The following STK32B variants were observed in gnomAD, a reference collection of about 807,000 sequenced individuals.
STK32B encodes serine/threonine-protein kinase 32B.
Under a neutral mutation model 52.6 loss-of-function variants are expected in STK32B, and 43 were observed. That is an observed-to-expected ratio of 0.82 (90% CI 0.64 to 1.05). The LOEUF (loss-of-function observed/expected upper bound fraction) is 1.05, where lower values mean the gene tolerates loss of function less well. Ranked by LOEUF, STK32B falls within the 50% of genes least tolerant of loss-of-function variation. The pLI is 0.00. For synonymous variants in STK32B, 238 were observed against 204.3 expected (o/e 1.17, Z -1.41); for missense variants, 621 against 534.6 (o/e 1.16, Z -1.59).
intron 4 of STK32B, among the ~76,000 whole-genome samples, chr4:5,366,762 A>G (rs1734904861): frequency 6.6e-6 from 1 of 152,174 alleles, no homozygotes; most frequent in Non-Finnish European, 1.5e-5. Context: ...AGATTCCTTG[A>G]CTACTGAGTT....
At chr4:5,303,667 T>C (rs1037275596) in intron 3 of STK32B, among the ~76,000 whole-genome samples, 1 of 152,182 alleles carries the variant, frequency 6.6e-6, no homozygotes, top group African/African-American at 2.4e-5. Flanking sequence ...TCTTTTGCTG[T>C]GCAGCAGCTT....
Position 5,456,748 on chromosome 4 carries a change from G to A in STK32B, c.667-59G>A, listed in dbSNP as rs41268639. ...CCTCATAATCATACAATCTTAAAAT[G>A]CGGACGGTGCCTTCCAATGGCTCTC... On this transcript the variant is annotated intron_variant, in intron 7 of 11. Coordinates refer to ENST00000282908, the MANE Select transcript of STK32B (RefSeq NM_018401.3). The A allele has an allele frequency of 3.0e-3, 4,200 of 1,388,438 alleles. 11 individuals carry two copies. Among genetic ancestry groups the A allele is most frequent in the Non-Finnish European group, 3.8e-3 (3,866 of 1,014,024 alleles). 86.0% of individuals were successfully genotyped at this position (1,388,438 alleles called of 1,614,324 possible). A position where few individuals can be genotyped will look rare whatever the true frequency, so the allele number is the denominator to read the frequency against.
At chr4:5,060,365 C>G (rs1284462802) in intron 1 of STK32B, among the ~76,000 whole-genome samples, 1 of 152,142 alleles carries the variant, frequency 6.6e-6, no homozygotes, top group Non-Finnish European at 1.5e-5. Context: ...AGTGATAACT[C>G]CTTTTTCAAT....
intron 3 of STK32B, among the ~76,000 whole-genome samples, chr4:5,175,601 T>C (rs982289463): frequency 3.9e-5 from 6 of 152,220 alleles, no homozygotes; most frequent in Non-Finnish European, 7.3e-5. Context: ...TCAGCAGCAG[T>C]GGCTGCAGAA....
intron 3 of STK32B, among the ~76,000 whole-genome samples, chr4:5,267,257 G>T (rs1401026106): frequency 1.3e-5 from 2 of 152,152 alleles, no homozygotes; most frequent in Non-Finnish European, 2.9e-5. Flanking sequence ...GCTGAGTCAG[G>T]CTGGGTGCAA....
chr4:5,247,065 C>G (rs1396996440), intron 3 of STK32B, among the ~76,000 whole-genome samples: 1 of 152,228 alleles, frequency 6.6e-6, no homozygotes, highest in Admixed American at 6.5e-5. Context: ...AGATCTCAAG[C>G]TGCATGCTGG....
intron 3 of STK32B, among the ~76,000 whole-genome samples, chr4:5,323,530 G>C (rs1281641747): frequency 1.3e-5 from 2 of 152,192 alleles, no homozygotes; most frequent in East Asian, 1.9e-4. Flanking sequence ...TCTGTGACAA[G>C]AAGAGGCCAG....
chr4:5,316,954 GATATA>G (rs1730945365), intron 3 of STK32B, among the ~76,000 whole-genome samples: 2 of 11,122 alleles, frequency 1.8e-4, no homozygotes, highest in Admixed American at 1.7e-3. Flanking sequence ...TAATATGTAT[GATATA>G]ATATATATAA....
At chr4:5,211,805 G>A (rs1463846967) in intron 3 of STK32B, among the ~76,000 whole-genome samples, 2 of 152,126 alleles carry the variant, frequency 1.3e-5, no homozygotes, top group South Asian at 2.1e-4. Context: ...AAACAAACTC[G>A]CATTTTACAC....
At chr4:5,474,412 A>G (rs760939886) in intron 11 of STK32B, among the ~76,000 whole-genome samples, 5 of 152,216 alleles carry the variant, frequency 3.3e-5, no homozygotes, top group East Asian at 3.8e-4. Context: ...ACAGATGTCA[A>G]TGATTCTTTG....
chr4:5,392,003 G>A (rs1376678659), intron 4 of STK32B, among the ~76,000 whole-genome samples: 1 of 152,192 alleles, frequency 6.6e-6, no homozygotes, highest in Admixed American at 6.5e-5. Context: ...CCATTAGGAG[G>A]ATTTATGTAG....
rs143910809 is a variant in STK32B, at chr4:5,059,418, A to G, written c.52+7503A>G. 2.7e-3 allele frequency among the ~76,000 whole-genome samples: 405 copies of G among 152,246 alleles called. 1 individual carries two copies. The highest frequency in any genetic ancestry group is 4.1e-3 in the Non-Finnish European group (282 of 68,010). The stretch of plus-strand genomic sequence containing the variant: ...GATTTGCTGACAGTTTTTATTGTTA[A>G]TGGCAGTTGAATGTAAGCAAATACC... On this transcript the variant is annotated intron_variant, in intron 1 of 11. Coordinates refer to ENST00000282908, the MANE Select transcript of STK32B (RefSeq NM_018401.3).
chr4:5,051,054 C>T (rs537757175), upstream of STK32B, among the ~76,000 whole-genome samples: 2 of 152,258 alleles, frequency 1.3e-5, no homozygotes, highest in East Asian at 3.9e-4. Flanking sequence ...TGAGAAAAAC[C>T]TTAAGAGGAA....
chr4:5,248,670 C>G (rs1397631362), intron 3 of STK32B, among the ~76,000 whole-genome samples: 8 of 152,086 alleles, frequency 5.3e-5, no homozygotes, highest in African/African-American at 1.4e-4. Flanking sequence ...AGACTTGGAA[C>G]CAACCCAAAT....
chr4:5,384,507 A>C (rs1236820009), intron 4 of STK32B, among the ~76,000 whole-genome samples: 1 of 152,176 alleles, frequency 6.6e-6, no homozygotes, highest in Non-Finnish European at 1.5e-5. Context: ...GAACCCACAG[A>C]GACACTGTTA....
chr4:5,423,872 G>T (rs1343273871), intron 6 of STK32B, among the ~76,000 whole-genome samples: 1 of 152,160 alleles, frequency 6.6e-6, no homozygotes, highest in African/African-American at 2.4e-5. Context: ...GCCAATAGGA[G>T]CCAGGAGCAG....
At chr4:5,497,903 A>C (rs930670814) in intron 11 of STK32B, among the ~76,000 whole-genome samples, 2 of 152,080 alleles carry the variant, frequency 1.3e-5, no homozygotes, top group African/African-American at 4.8e-5. Context: ...AAAGAAACAT[A>C]CTAGTTTTAA....
intron 4 of STK32B, among the ~76,000 whole-genome samples, chr4:5,341,541 AATTG>A (rs1451383314): frequency 6.6e-6 from 1 of 152,222 alleles, no homozygotes; most frequent in Non-Finnish European, 1.5e-5. Context: ...ATGTAATCCT[AATTG>A]ATAATGATTT....
At chr4:5,071,457 AT>A in intron 1 of STK32B, among the ~76,000 whole-genome samples, 1 of 152,320 alleles carries the variant, frequency 6.6e-6, no homozygotes, top group South Asian at 2.1e-4. Flanking sequence ...CAGACTCAAT[AT>A]AATTGTGCTG....
Sources: allele counts gnomAD v4.1 joint callset (sites outside exome capture counted in the v4.1 genomes callset), GRCh38; gene constraint gnomAD v4.1.1; transcripts MANE v1.5; gene names NCBI Gene and HGNC (gene_info 2026-07-23, HGNC 2026-07-21).